PUF60: variants seen among roughly 807,000 people sequenced by gnomAD.
The protein encoded by PUF60 is poly(U) binding splicing factor 60, also known as poly(U)-binding-splicing factor PUF60.
A neutral mutation model predicts 61.8 loss-of-function variants in PUF60; 10 were observed. That is an observed-to-expected ratio of 0.16 (90% confidence interval 0.10 to 0.27). The LOEUF (loss-of-function observed/expected upper bound fraction) is 0.27, where lower values mean the gene tolerates loss of function less well. Ranked by LOEUF, PUF60 falls within the 10% of genes least tolerant of loss-of-function variation. The pLI, the probability that PUF60 is intolerant of heterozygous loss-of-function variation, is 1.00. For missense variants in PUF60, 371 were observed against 754.0 expected, an observed-to-expected ratio of 0.49 and a Z score of 5.95; for synonymous variants, 353 against 300.9, an observed-to-expected ratio of 1.17 and a Z score of -1.79.
intron 4 of PUF60, chr8:143,821,233 CG>C: frequency 6.6e-6 from 3 of 456,856 alleles, no homozygotes; most frequent in Non-Finnish European, 1.2e-5. Context: ...ATCCAGGCCA[CG>C]GGGGCAGGGA....
chr8:143,821,454 G>A, intron 4 of PUF60, 143 bp downstream of exon 4: 1 of 783,136 alleles, frequency 1.3e-6, no homozygotes, highest in Non-Finnish European at 2.1e-6. Context: ...AGGACCCCGG[G>A]GGTCCCGAGC....
intron 1 of PUF60, among the ~76,000 whole-genome samples, chr8:143,825,757 G>A (rs925993045): frequency 4.6e-5 from 7 of 152,212 alleles, no homozygotes; most frequent in Non-Finnish European, 1.0e-4. Context: ...GTGGACCACT[G>A]TGCCCAGCCA....
intron 1 of PUF60, among the ~76,000 whole-genome samples, chr8:143,828,166 CCT>C (rs1206788131): frequency 6.6e-6 from 1 of 152,216 alleles, no homozygotes; most frequent in African/African-American, 2.4e-5. Context: ...TGTGTAAATG[CCT>C]CTCTCCCCCT....
In PUF60 at chr8:143,816,687, C is replaced by T; in HGVS notation, c.1513G>A (p.Glu505Lys). The T allele has an allele frequency of 6.2e-7, 1 of 1,613,920 alleles. No homozygotes were observed. ...RVIIYQEKQG[E>K]EEDAEIIVKI... ...ACAATGATTTCTGCATCCTCCTCCT[C>T]GCCTTGTTTCTCTTGGTAGATGATG... The change falls in exon 12 of 12, where the codon GAG becomes AAG. Residue 505 changes from glutamate to lysine, a missense_variant. By Grantham distance (56) the Glu-to-Lys change is moderately conservative (BLOSUM62 1). Around this residue, in one of 13 missense-constraint regions of PUF60, gnomAD observed 38 missense variants for 112.9 expected, o/e 0.34. Coordinates refer to ENST00000526683, the MANE Select transcript of PUF60 (RefSeq NM_078480.3).
In PUF60 at chr8:143,817,388, G is replaced by A. The variant is rs1323859834; in HGVS notation, c.1087C>T (p.Pro363Ser). 1.9e-6 allele frequency: 3 copies of A among 1,593,326 alleles called. No homozygotes were observed. The highest frequency in any genetic ancestry group is 1.9e-5 in the Admixed American group (1 of 53,224). ...ACAGCCTGGGGCAAAGTGCCCAGGG[G>A]CTGGGCCAGGGTCAGTGCTGGGGAC... ...LVSPALTLAQPLGTLPQAVMA... is the reference protein window; with the variant it reads ...LVSPALTLAQSLGTLPQAVMA... Residue 363 changes from proline (P) to serine (S), a missense_variant, in exon 10 of 12, where the codon CCC (proline) becomes TCC (serine). Pro to Ser is a moderately conservative substitution (Grantham distance 74, BLOSUM62 -1). Transcript: ENST00000526683. This position sits in a 1 kb window ranked among gnomAD's most constrained non-coding sequence, Gnocchi z 7.4.
Position 143,816,493 on chromosome 8 carries a change from G to A in PUF60, c.*27C>T, listed in dbSNP as rs777143265. The A allele has an allele frequency of 6.2e-5, 99 of 1,584,732 alleles. No individual in the cohort carries two copies. The highest frequency in any genetic ancestry group is 8.3e-5 in the Non-Finnish European group (97 of 1,165,864). The stretch of plus-strand genomic sequence containing the variant: ...AAAACCCAGAGGAAACAAGGAACAA[G>A]TGCAAGTCCGGGGAGAGGGACCACT... On this transcript the variant is annotated 3_prime_UTR_variant, in exon 12 of 12. Transcript: ENST00000526683.
intron 1 of PUF60, chr8:143,828,877 C>T: frequency 5.2e-6 from 5 of 963,192 alleles, no homozygotes; most frequent in Non-Finnish European, 6.2e-6. Context: ...CCTTCTGATC[C>T]CATCAACCCG....
rs10091538 is a variant in PUF60 at position 143,829,011 on chromosome 8, G to C, written c.24+269C>G. 3,536 of 996,166 alleles carry C rather than the reference G, an allele frequency of 3.5e-3. 105 individuals are homozygous for C. The African/African-American group carries it at 0.055, about 15-fold the overall frequency. The allele number at this position is 996,166 out of a possible 1,614,324, so 61.7% of individuals were successfully genotyped here. ...AGCGGACAGGAACGCAACCCCGCCA[G>C]GCTCGCCCGCAAGGGCCACACGCCG... is the stretch of plus-strand genomic sequence containing the variant. On this transcript the variant is annotated intron_variant, in intron 1 of 11. Coordinates refer to ENST00000526683, the MANE Select transcript of PUF60 (RefSeq NM_078480.3).
intron 1 of PUF60, among the ~76,000 whole-genome samples, chr8:143,828,772 C>T (rs1330846622): frequency 6.6e-6 from 1 of 152,248 alleles, no homozygotes; most frequent in Non-Finnish European, 1.5e-5. Context: ...CCAGATCCCT[C>T]TCCAGCACCG....
chr8:143,816,896 G>A lies in PUF60; in HGVS notation c.1380+14C>T. 3 of 1,494,564 alleles carry A rather than the reference G, an allele frequency of 2.0e-6. No homozygotes were observed. Among genetic ancestry groups the A allele is most frequent in the Non-Finnish European group, 9.0e-7 (1 of 1,109,364 alleles). 92.6% of individuals were successfully genotyped at this position (1,494,564 alleles called of 1,614,324 possible). ...CTACCCTCTCCCCCGCCACCACCCT[G>A]CCCCTCTGCCTACCTCCTGCTTGCG... On this transcript the variant is annotated intron_variant, in intron 11 of 11. Coordinates refer to ENST00000526683, the MANE Select transcript of PUF60 (RefSeq NM_078480.3).
At chr8:143,825,405 C>T (rs1365942995) in intron 1 of PUF60, among the ~76,000 whole-genome samples, 3 of 152,210 alleles carry the variant, frequency 2.0e-5, no homozygotes, top group African/African-American at 4.8e-5. Context: ...CCAATGCTGT[C>T]GGCATGGGTG....
chr8:143,816,916 C>A lies in PUF60; in HGVS notation c.1374G>T (p.Lys458Asn), dbSNP rs1450011787. The change falls in exon 11 of 12, where the codon AAG becomes AAT. Residue 458 changes from lysine (K) to asparagine (N), a missense_variant. Lys to Asn is a moderately conservative substitution (Grantham distance 94, BLOSUM62 0). Coordinates refer to ENST00000526683, the MANE Select transcript of PUF60 (RefSeq NM_078480.3). Reference sequence around the variant, plus strand: ...ACCCTGCCCCTCTGCCTACCTCCTGCTTGCGGAGCAGCTTCTGCATCACCA... The same window carrying A: ...ACCCTGCCCCTCTGCCTACCTCCTGATTGCGGAGCAGCTTCTGCATCACCA... ...RHMVMQKLLRKQESTVMVLRN... is the reference protein window; with the variant it reads ...RHMVMQKLLRNQESTVMVLRN... 1.3e-6 allele frequency: 2 copies of A among 1,573,818 alleles called. No homozygotes were observed. Among genetic ancestry groups the A allele is most frequent in the African/African-American group, 1.4e-5 (1 of 74,028 alleles).
In PUF60 at chr8:143,818,177, T is replaced by TGGCTCCCTGCCTC; in HGVS notation, c.603+3_603+15dup. 2.5e-6 allele frequency: 4 copies of TGGCTCCCTGCCTC among 1,607,256 alleles called. No homozygotes were observed. Among genetic ancestry groups the TGGCTCCCTGCCTC allele is most frequent in the Non-Finnish European group, 3.4e-6 (4 of 1,177,632 alleles). ...CTGCACGCCTGCGGGATCGAGGCCT[T>TGGCTCCCTGCCTC]GGCTCCCTGCCTCACCTTGATGTTC... On this transcript the variant is annotated intron_variant, in intron 7 of 11. Transcript: ENST00000526683. The surrounding 1 kb of genome is among the most constrained non-coding windows in gnomAD (Gnocchi z 7.9).
chr8:143,816,581 C>T lies in PUF60; in HGVS notation c.1619G>A (p.Arg540His), dbSNP rs1447790413. The T allele has an allele frequency of 1.9e-6, 3 of 1,613,648 alleles. No individual in the cohort carries two copies. The highest frequency in any genetic ancestry group is 2.5e-6 in the Non-Finnish European group (3 of 1,179,850). Residue 540 changes from arginine to histidine, a missense_variant, in exon 12 of 12, where the codon CGC becomes CAC. Physicochemically the swap from Arg to His is conservative, Grantham distance 29. Transcript: ENST00000526683. ...QALNGRWFAG[R>H]KVVAEVYDQE... is the part of the protein sequence containing the mutation. ...GTCGTACACTTCAGCCACCACCTTGCGGCCAGCAAACCAGCGGCCATTGAG... is the reference window on the plus strand; with the variant it reads ...GTCGTACACTTCAGCCACCACCTTGTGGCCAGCAAACCAGCGGCCATTGAG...
Position 143,817,339 on chromosome 8 carries a change from A to C in PUF60, c.1136T>G (p.Val379Gly). The C allele has an allele frequency of 6.3e-7, 1 of 1,589,646 alleles. No homozygotes were observed. Among genetic ancestry groups the C allele is most frequent in the Non-Finnish European group, 8.5e-7 (1 of 1,172,634 alleles). ...QAVMAAQAPG[V>G]ITGVTPARPP... is the part of the protein sequence containing the mutation. ...TACCACTTAAGACTCACCTGTGATG[A>C]CTCCAGGTGCCTGGGCAGCCATGAC... is the stretch of plus-strand genomic sequence containing the variant. The change falls in exon 10 of 12, where the codon GTC becomes GGC. Residue 379 changes from valine (V) to glycine (G), a missense_variant. Physicochemically the swap from Val to Gly is moderately radical, Grantham distance 109. Transcript: ENST00000526683. This position sits in a 1 kb window ranked among gnomAD's most constrained non-coding sequence, Gnocchi z 7.4.
intron 2 of PUF60, 86 bp from the exon 3 acceptor site, chr8:143,821,999 G>A (rs1017427642): frequency 6.9e-6 from 7 of 1,007,980 alleles, no homozygotes; most frequent in Non-Finnish European, 1.0e-5. Flanking sequence ...AGCACAGACT[G>A]TCCCCTGCCT....
At position 143,818,817 on chromosome 8, in the gene PUF60, GGCTGTGC is replaced by G; in HGVS notation, c.349-290_349-284del. ...AAGCCGACAGATGGTCAGGAGGCAG[GGCTGTGC>G]GCCCTCCCACCCAGACCACCCCTCC... On this transcript the variant is annotated intron_variant, in intron 5 of 11. Transcript: ENST00000526683. The surrounding 1 kb of genome is among the most constrained non-coding windows in gnomAD (Gnocchi z 7.9). The G allele has an allele frequency of 2.0e-6, 1 of 492,154 alleles. No homozygotes were observed. Among genetic ancestry groups the G allele is most frequent in the Non-Finnish European group, 3.6e-6 (1 of 277,044 alleles). The allele number at this position is 492,154 out of a possible 1,614,324, so 30.5% of individuals were successfully genotyped here.
At chr8:143,829,174 C>A in intron 1 of PUF60, 106 bp downstream of exon 1, 2 of 1,225,044 alleles carry the variant, frequency 1.6e-6, no homozygotes, top group Admixed American at 4.3e-5. Context: ...CGCGCGGGAC[C>A]TGGGAAGACC....
chr8:143,827,132 G>A, intron 1 of PUF60: 1 of 318,258 alleles, frequency 3.1e-6, no homozygotes, highest in South Asian at 2.4e-5. Flanking sequence ...AGCAAAGAAT[G>A]CCAAAATCAA....
Sources: allele counts gnomAD v4.1 joint callset (sites outside exome capture counted in the v4.1 genomes callset), GRCh38; gene constraint gnomAD v4.1.1; regional missense constraint gnomAD v4.1.1; non-coding constraint Gnocchi (gnomAD v3.1); transcripts MANE v1.5; gene names NCBI Gene and HGNC (gene_info 2026-07-23, HGNC 2026-07-21).